Variants in SEC14L1 observed in about 807,000 individuals in gnomAD.
The protein encoded by SEC14L1 is SEC14-like protein 1.
In SEC14L1, 48 loss-of-function variants were observed where a neutral mutation model predicts 85.3. That is an observed-to-expected ratio of 0.56 (90% confidence interval 0.45 to 0.72). The LOEUF is 0.72. Among genes scored for constraint, SEC14L1 ranks in the 30% least tolerant of loss-of-function variants. The pLI, the probability that SEC14L1 is intolerant of heterozygous loss-of-function variation, is 0.00. For missense variants in SEC14L1, 682 were observed against 921.4 expected, an observed-to-expected ratio of 0.74 and a Z score of 3.36; for synonymous variants, 391 against 355.5, an observed-to-expected ratio of 1.10 and a Z score of -1.12.
chr17:77,210,876 G>A (rs933420921), intron 14 of SEC14L1: 1 of 152,090 alleles, frequency 6.6e-6, no homozygotes, highest in Non-Finnish European at 1.5e-5. Flanking sequence ...TTCTGCTTTG[G>A]GTATTAAATA....
chr17:77,158,469 T>TTTAA (rs560819950), intron 3 of SEC14L1, among the ~76,000 whole-genome samples: 1 of 152,190 alleles, frequency 6.6e-6, no homozygotes, highest in South Asian at 2.1e-4. Context: ...CTGGGTTTTT[T>TTTAA]CACTTAGCCT....
intron 1 of SEC14L1, chr17:77,141,612 A>C (rs1404204619): frequency 1.3e-5 from 2 of 152,146 alleles, no homozygotes; most frequent in African/African-American, 4.8e-5. Flanking sequence ...CCTGGATGCC[A>C]CTTGGTCGTT....
Position 77,214,104 on chromosome 17 carries a change from C to T in SEC14L1, c.*81C>T, listed in dbSNP as rs558566412. On this transcript the variant is annotated 3_prime_UTR_variant, in exon 17 of 17. Coordinates refer to ENST00000436233, the MANE Select transcript of SEC14L1 (RefSeq NM_001143998.2). The stretch of plus-strand genomic sequence containing the variant: ...CCAGCTGCACCCGCCCACCCAGCGG[C>T]GACATTGTACAGACTCCTCTCACCT... The T allele has an allele frequency of 1.9e-5, 29 of 1,546,614 alleles. No homozygotes were observed. Among genetic ancestry groups the T allele is most frequent in the African/African-American group, 1.5e-4 (11 of 73,242 alleles).
intron 3 of SEC14L1, among the ~76,000 whole-genome samples, chr17:77,144,117 GT>G (rs1183852266): frequency 6.6e-6 from 1 of 152,134 alleles, no homozygotes; most frequent in Non-Finnish European, 1.5e-5. Flanking sequence ...TGTTGAATGA[GT>G]TTTTCCGTTA....
intron 11 of SEC14L1, 88 bp downstream of exon 11, chr17:77,205,434 A>C: frequency 2.5e-6 from 3 of 1,192,036 alleles, no homozygotes; most frequent in Non-Finnish European, 3.7e-6. Flanking sequence ...AAATCTACTT[A>C]TTATTTTCCA....
chr17:77,141,237 C>A (rs953150610), intron 1 of SEC14L1, 130 bp downstream of exon 1: 6 of 147,992 alleles, frequency 4.1e-5, no homozygotes, highest in African/African-American at 1.5e-4. Flanking sequence ...CCCTCCCCAG[C>A]CCCGGCTGCC....
Position 77,089,506 on chromosome 17 carries a change from G to T in SEC14L1, c.-240+235G>T, listed in dbSNP as rs771336913. The T allele has an allele frequency of 5.9e-6, 3 of 512,204 alleles. No individual in the cohort carries two copies. In the Admixed American group the frequency reaches 6.0e-5, roughly 10 times the overall value. 31.7% of individuals were successfully genotyped at this position (512,204 alleles called of 1,614,324 possible). ...ACTGCAAACAGGACCTACGTTTAAA[G>T]AAAATGGTTGTAGTTAGTATCAGAG... On this transcript the variant is annotated intron_variant, in intron 2 of 19. Coordinates refer to the SEC14L1 transcript ENST00000392476.
chr17:77,213,590 G>T lies in SEC14L1; in HGVS notation c.2042+98G>T. On this transcript the variant is annotated intron_variant, in intron 16 of 16. Transcript: ENST00000436233. This position sits in a 1 kb window ranked among gnomAD's most constrained non-coding sequence, Gnocchi z 7.1. ...CGTGTGCAGGATCAGCAGTGGCGGC[G>T]GGTGTCAGGAATGCTTGGAGGGCCA... is the stretch of plus-strand genomic sequence containing the variant. The T allele has an allele frequency of 6.9e-7, 1 of 1,447,336 alleles. No homozygotes were observed. The highest frequency in any genetic ancestry group is 9.5e-7 in the Non-Finnish European group (1 of 1,053,800). 89.7% of individuals were successfully genotyped at this position (1,447,336 alleles called of 1,614,324 possible).
At chr17:77,183,527 G>T (rs753025067) in intron 3 of SEC14L1, among the ~76,000 whole-genome samples, 1 of 152,220 alleles carries the variant, frequency 6.6e-6, no homozygotes, top group Non-Finnish European at 1.5e-5. Context: ...TACTTGGGAG[G>T]CTGAAGTGGG....
At chr17:77,126,631 G>A (rs751765899) in intron 3 of SEC14L1, among the ~76,000 whole-genome samples, 1 of 152,192 alleles carries the variant, frequency 6.6e-6, no homozygotes, top group South Asian at 2.1e-4. Flanking sequence ...TGTGCCATGT[G>A]AGCCAGGTCA....
At chr17:77,129,965 G>A (rs746364718) in intron 3 of SEC14L1, 1 of 152,188 alleles carries the variant, frequency 6.6e-6, no homozygotes, top group Non-Finnish European at 1.5e-5. Context: ...CCAAGCAGCT[G>A]CATCAGTCGG....
intron 3 of SEC14L1, among the ~76,000 whole-genome samples, chr17:77,153,585 A>G (rs1003204460): frequency 1.2e-4 from 18 of 152,160 alleles, no homozygotes; most frequent in Non-Finnish European, 5.9e-5. Context: ...CTCATTTTGT[A>G]CTGAAAGCAG....
chr17:77,187,737 A>ATTT (rs34369532), intron 3 of SEC14L1, among the ~76,000 whole-genome samples: 8 of 135,138 alleles, frequency 5.9e-5, no homozygotes, highest in South Asian at 2.3e-4. Flanking sequence ...GGCTACTGGA[A>ATTT]TTTTTTTTTT....
rs373775723 is a variant in SEC14L1 at position 77,172,782 on chromosome 17, G to A, written c.64-18021G>A. On this transcript the variant is annotated intron_variant, in intron 3 of 16. Transcript: ENST00000436233. ...GTAGGTCCTTCATCCTTCCCTTGTT[G>A]TATATAGAAAGCTTTGGGAATGTTT... Among the ~76,000 whole-genome samples the A allele has an allele frequency of 4.6e-5, 7 of 152,252 alleles. No individual in the cohort carries two copies. In the South Asian group the frequency reaches 1.5e-3, roughly 32 times the overall value.
intron 3 of SEC14L1, among the ~76,000 whole-genome samples, chr17:77,170,936 G>C (rs1598339560): frequency 6.6e-6 from 1 of 152,128 alleles, no homozygotes; most frequent in Non-Finnish European, 1.5e-5. Flanking sequence ...TACATGTTTA[G>C]CTGTTGTGTT....
chr17:77,193,323 G>C (rs1055847788), intron 5 of SEC14L1, 98 bp from the exon 6 acceptor site: 36 of 1,165,136 alleles, frequency 3.1e-5, no homozygotes, highest in Non-Finnish European at 4.0e-5. Flanking sequence ...TGTTAGTAAC[G>C]TAAGTGTTTT....
chr17:77,173,241 G>T (rs1974598724), intron 3 of SEC14L1, among the ~76,000 whole-genome samples: 1 of 152,170 alleles, frequency 6.6e-6, no homozygotes, highest in Non-Finnish European at 1.5e-5. Context: ...AAGTGGTGGG[G>T]AAAGGGAAGT....
At chr17:77,203,455 T>A (rs902447342) in intron 9 of SEC14L1, 115 bp from the exon 10 acceptor site, 4 of 858,362 alleles carry the variant, frequency 4.7e-6, no homozygotes, top group Admixed American at 2.8e-5. Flanking sequence ...TCAGAAAGAC[T>A]TTTAAGCGCC....
At position 77,194,904 on chromosome 17, in the gene SEC14L1, C is replaced by G. The variant is rs1402346510; in HGVS notation, c.702C>G (p.Thr234=). Residue 234 remains threonine, a synonymous_variant, in exon 7 of 17, where the codon ACC becomes ACG. Coordinates refer to ENST00000436233, the MANE Select transcript of SEC14L1 (RefSeq NM_001143998.2). ...GCGCACCTGAGCCCGTGGTGGGCAC[C>G]CCTGACGGTGGGTCTGGCAGGGGCT... ...SPSAPEPVVG[T]PDDKLDADYI... 18 of 1,612,732 alleles carry G rather than the reference C, an allele frequency of 1.1e-5. No homozygotes were observed. The highest frequency in any genetic ancestry group is 1.5e-5 in the Non-Finnish European group (18 of 1,178,908).
Sources: allele counts gnomAD v4.1 joint callset (sites outside exome capture counted in the v4.1 genomes callset), GRCh38; gene constraint gnomAD v4.1.1; non-coding constraint Gnocchi (gnomAD v3.1); transcripts MANE v1.5; gene names NCBI Gene and HGNC (gene_info 2026-07-23, HGNC 2026-07-21).